Variants in KCNIP4 observed in about 807,000 individuals in gnomAD.
KCNIP4 encodes potassium voltage-gated channel interacting protein 4, also known as Kv channel-interacting protein 4.
A neutral mutation model predicts 34.0 loss-of-function variants in KCNIP4; 12 were observed. The ratio of observed to expected loss-of-function variants is 0.35; its 90% CI spans 0.23 to 0.57. KCNIP4 has a LOEUF of 0.57. KCNIP4 is among the 20% of genes least tolerant of loss of function. The pLI is 0.83. For synonymous variants in KCNIP4, 124 were observed against 102.2 expected (o/e 1.21, Z -1.29); for missense variants, 238 against 311.7 (o/e 0.76, Z 1.78).
chr4:20,784,531 C>A (rs1291719291), intron 3 of KCNIP4, among the ~76,000 whole-genome samples: 1 of 152,154 alleles, frequency 6.6e-6, no homozygotes, highest in African/African-American at 2.4e-5. Context: ...AAGGTTGGGA[C>A]TTTCATTCTG....
chr4:21,764,016 T>C (rs374147757), intron 1 of KCNIP4, among the ~76,000 whole-genome samples: 6 of 152,114 alleles, frequency 3.9e-5, no homozygotes, highest in African/African-American at 1.2e-4. Context: ...TTGGTCTAAA[T>C]GTGATTATGT....
intron 1 of KCNIP4, among the ~76,000 whole-genome samples, chr4:21,943,697 A>T (rs1216019368): frequency 1.3e-5 from 2 of 152,120 alleles, no homozygotes; most frequent in African/African-American, 4.8e-5. Flanking sequence ...TAAGTAATGG[A>T]GGGGGGCATT....
chr4:21,691,464 T>C (rs1453284076), intron 1 of KCNIP4, among the ~76,000 whole-genome samples: 4 of 152,156 alleles, frequency 2.6e-5, no homozygotes, highest in African/African-American at 4.8e-5. Context: ...ATTGCTCCAA[T>C]ATAGAGTCAC....
intron 1 of KCNIP4, among the ~76,000 whole-genome samples, chr4:21,032,877 G>A (rs1281191056): frequency 6.6e-6 from 1 of 152,092 alleles, no homozygotes; most frequent in African/African-American, 2.4e-5. Context: ...CATCAGGTGA[G>A]ACTTTAAGAA....
chr4:21,841,336 A>G (rs9990680), intron 1 of KCNIP4, among the ~76,000 whole-genome samples: 2,140 of 152,236 alleles, frequency 0.014, 43 homozygotes, highest in African/African-American at 0.048. Context: ...ATTATACCTA[A>G]CAGATGGTTA....
At chr4:21,057,465 C>T (rs935549734) in intron 1 of KCNIP4, among the ~76,000 whole-genome samples, 2 of 152,064 alleles carry the variant, frequency 1.3e-5, no homozygotes, top group African/African-American at 4.8e-5. Context: ...ATAATTTCTA[C>T]ACAAAGCTTT....
chr4:21,256,270 G>C (rs1761055515), intron 1 of KCNIP4, among the ~76,000 whole-genome samples: 1 of 152,108 alleles, frequency 6.6e-6, no homozygotes, highest in Non-Finnish European at 1.5e-5. Flanking sequence ...CGGGCAGAAA[G>C]GAAGCCAAAG....
intron 1 of KCNIP4, among the ~76,000 whole-genome samples, chr4:21,104,826 T>C (rs899193681): frequency 6.6e-6 from 1 of 151,764 alleles, no homozygotes; most frequent in Non-Finnish European, 1.5e-5. Context: ...TAGCCAGTTT[T>C]CCCAGCACCA....
intron 1 of KCNIP4, among the ~76,000 whole-genome samples, chr4:21,942,003 G>C (rs1730230358): frequency 6.6e-6 from 1 of 152,170 alleles, no homozygotes; most frequent in South Asian, 2.1e-4. Flanking sequence ...TGGGCAAGAA[G>C]AGGAGATACA....
intron 1 of KCNIP4, among the ~76,000 whole-genome samples, chr4:21,750,727 T>G (rs1717096342): frequency 6.6e-6 from 1 of 152,184 alleles, no homozygotes; most frequent in African/African-American, 2.4e-5. Flanking sequence ...TCTATTGCCC[T>G]TACAAACTGT....
At chr4:21,258,877 C>G (rs529055155) in intron 1 of KCNIP4, among the ~76,000 whole-genome samples, 1 of 152,026 alleles carries the variant, frequency 6.6e-6, no homozygotes, top group Non-Finnish European at 1.5e-5. Context: ...TTAAAAAACC[C>G]AGTAGACATT....
At chr4:21,718,036 G>A (rs1177619039) in intron 1 of KCNIP4, among the ~76,000 whole-genome samples, 1 of 151,990 alleles carries the variant, frequency 6.6e-6, no homozygotes, top group East Asian at 1.9e-4. Context: ...TAACAAAGGG[G>A]CAAAAATAAA....
chr4:21,889,784 G>T (rs573432403), intron 1 of KCNIP4, among the ~76,000 whole-genome samples: 44 of 152,234 alleles, frequency 2.9e-4, no homozygotes, highest in African/African-American at 9.6e-4. Context: ...GACCACACAG[G>T]CCAGGCAAGA....
At chr4:21,099,014 TTGG>T (rs1353603333) in intron 1 of KCNIP4, among the ~76,000 whole-genome samples, 2 of 152,180 alleles carry the variant, frequency 1.3e-5, no homozygotes, top group East Asian at 3.8e-4. Flanking sequence ...TTTTGCACTA[TTGG>T]TGGGAGTGTA....
intron 1 of KCNIP4, among the ~76,000 whole-genome samples, chr4:21,918,941 C>T (rs1489123726): frequency 1.3e-5 from 2 of 152,136 alleles, no homozygotes; most frequent in African/African-American, 2.4e-5. Flanking sequence ...CTGGGTAGAC[C>T]TGTGAAGTAT....
chr4:21,245,421 A>G (rs1192763807), intron 1 of KCNIP4, among the ~76,000 whole-genome samples: 1 of 152,170 alleles, frequency 6.6e-6, no homozygotes, highest in Admixed American at 6.5e-5. Context: ...TATAAGCTCC[A>G]TGAATGCAAT....
intron 1 of KCNIP4, among the ~76,000 whole-genome samples, chr4:20,914,574 C>T (rs1728628250): frequency 1.3e-5 from 2 of 152,118 alleles, no homozygotes; most frequent in Admixed American, 6.5e-5. Flanking sequence ...TATATAGCTG[C>T]CCACACTAAA....
intron 1 of KCNIP4, among the ~76,000 whole-genome samples, chr4:21,914,723 G>T (rs1728532173): frequency 6.6e-6 from 1 of 152,082 alleles, no homozygotes; most frequent in Admixed American, 6.6e-5. Context: ...CTCAGAAGTT[G>T]GTTTATCCAC....
intron 5 of KCNIP4, among the ~76,000 whole-genome samples, chr4:20,736,189 C>T (rs1056387584): frequency 6.6e-6 from 1 of 152,158 alleles, no homozygotes; most frequent in African/African-American, 2.4e-5. Flanking sequence ...AATTTTTGTG[C>T]ATACACAAGT....
Sources: gnomAD v4.1 joint callset for allele counts (sites outside exome capture counted in the v4.1 genomes callset) on GRCh38, gnomAD v4.1.1 for gene constraint, MANE v1.5 for transcripts, NCBI Gene and HGNC (gene_info 2026-07-23, HGNC 2026-07-21) for gene names.